LRBA: variants seen among roughly 807,000 people sequenced by gnomAD.
The protein encoded by LRBA is lipopolysaccharide-responsive and beige-like anchor protein.
In LRBA, 176 loss-of-function variants were observed where a neutral mutation model predicts 330.0. The observed-to-expected ratio is 0.53, with a 90% CI of 0.47 to 0.60. The LOEUF is 0.60. Ranked by LOEUF, LRBA falls within the 20% of genes least tolerant of loss-of-function variation. LRBA has a pLI of 0.00. For synonymous variants in LRBA, 1,230 were observed against 1,193.0 expected, an observed-to-expected ratio of 1.03 and a Z score of -0.64; for missense variants, 3,259 against 3,444.8, an observed-to-expected ratio of 0.95 and a Z score of 1.35.
chr4:150,756,195 C>T (rs1734274880), intron 35 of LRBA, among the ~76,000 whole-genome samples: 1 of 151,986 alleles, frequency 6.6e-6, no homozygotes, highest in South Asian at 2.1e-4. Context: ...AGGAGACCAC[C>T]AACAAATCAT....
chr4:150,436,604 C>A, intron 45 of LRBA, 120 bp downstream of exon 45: 1 of 725,622 alleles, frequency 1.4e-6, no homozygotes, highest in Non-Finnish European at 2.1e-6. Flanking sequence ...ATTAGAACTT[C>A]AATAATTTAA....
intron 42 of LRBA, among the ~76,000 whole-genome samples, chr4:150,476,539 A>G (rs1296028921): frequency 6.6e-6 from 1 of 151,804 alleles, no homozygotes; most frequent in Non-Finnish European, 1.5e-5. Flanking sequence ...CACCACCACC[A>G]CTCTAGCCAC....
At chr4:150,548,249 A>G (rs1405240996) in intron 40 of LRBA, among the ~76,000 whole-genome samples, 1 of 152,172 alleles carries the variant, frequency 6.6e-6, no homozygotes, top group Non-Finnish European at 1.5e-5. Context: ...CTTCATAAAC[A>G]TCCCCAAACC....
rs189049391 is a variant in LRBA, at chr4:150,356,353, A to G, written c.7195-6194T>C. Among the ~76,000 whole-genome samples the G allele has an allele frequency of 2.0e-3, 311 of 152,186 alleles. 1 individual carries two copies. Among genetic ancestry groups the G allele is most frequent in the Non-Finnish European group, 3.2e-3 (216 of 67,922 alleles). On this transcript the variant is annotated intron_variant, in intron 47 of 56. Transcript: ENST00000651943. ...GACTGACAAATTGTTTGTGTGCACC[A>G]TTAGGTCTAGTTTCTGCAATAGTTG...
intron 34 of LRBA, among the ~76,000 whole-genome samples, chr4:150,763,994 A>G (rs1172079040): frequency 2.0e-5 from 3 of 151,998 alleles, no homozygotes; most frequent in African/African-American, 7.2e-5. Flanking sequence ...ACCTAACATA[A>G]CATTCTTGGA....
chr4:150,788,186 C>T (rs1739346911), intron 34 of LRBA, among the ~76,000 whole-genome samples: 2 of 151,562 alleles, frequency 1.3e-5, no homozygotes, highest in African/African-American at 4.9e-5. Flanking sequence ...AATTCTCATG[C>T]CCCAGCCTCC....
At chr4:150,752,927 T>C (rs550009072) in intron 35 of LRBA, among the ~76,000 whole-genome samples, 4 of 152,156 alleles carry the variant, frequency 2.6e-5, no homozygotes, top group African/African-American at 4.8e-5. Context: ...GATAGTTACA[T>C]GTAGAAAAGC....
chr4:151,011,892 C>T (rs1449494074), intron 2 of LRBA, among the ~76,000 whole-genome samples: 1 of 151,804 alleles, frequency 6.6e-6, no homozygotes, highest in Non-Finnish European at 1.5e-5. Context: ...CTATAGTGCC[C>T]AGGCTGGTCT....
At chr4:150,564,215 G>C (rs1014972077) in intron 40 of LRBA, among the ~76,000 whole-genome samples, 1 of 151,984 alleles carries the variant, frequency 6.6e-6, no homozygotes, top group South Asian at 2.1e-4. Context: ...CAGAACAGAG[G>C]CCTCAGAAAT....
In LRBA at chr4:150,946,955, A is replaced by G. The variant is rs564860867; in HGVS notation, c.217-17890T>C. Among the ~76,000 whole-genome samples, 3 of 151,960 alleles carry G rather than the reference A, an allele frequency of 2.0e-5. No individual in the cohort carries two copies. The East Asian group carries it at 5.8e-4, about 29-fold the overall frequency. On this transcript the variant is annotated intron_variant, in intron 2 of 56. Transcript: ENST00000651943. ...AATAGGGAATACTGCAAACAACTCT[A>G]AACATATAATGTGACAACTTAGAGG... is the stretch of plus-strand genomic sequence containing the variant.
intron 28 of LRBA, among the ~76,000 whole-genome samples, chr4:150,832,864 T>C (rs1371711550): frequency 3.3e-5 from 5 of 152,090 alleles, no homozygotes; most frequent in Non-Finnish European, 7.4e-5. Flanking sequence ...TGAACTCCCA[T>C]GCTCAAGAGA....
At chr4:150,799,169 CCCTTCG>C (rs1374669722) in intron 33 of LRBA, among the ~76,000 whole-genome samples, 1 of 152,148 alleles carries the variant, frequency 6.6e-6, no homozygotes, top group African/African-American at 2.4e-5. Flanking sequence ...GCTGTTCACC[CCCTTCG>C]TTTTTTAAAA....
intron 40 of LRBA, among the ~76,000 whole-genome samples, chr4:150,512,608 C>A (rs1033749766): frequency 6.6e-6 from 1 of 151,534 alleles, no homozygotes; most frequent in Non-Finnish European, 1.5e-5. Flanking sequence ...GCATCCTAAT[C>A]TCAGACTTTC....
At chr4:150,563,548 A>G (rs974768986) in intron 40 of LRBA, among the ~76,000 whole-genome samples, 2 of 152,206 alleles carry the variant, frequency 1.3e-5, no homozygotes, top group East Asian at 1.9e-4. Context: ...ATCAGGCAAG[A>G]GAAAGAAATA....
At chr4:150,720,753 G>C (rs1025573549) in intron 36 of LRBA, among the ~76,000 whole-genome samples, 1 of 152,126 alleles carries the variant, frequency 6.6e-6, no homozygotes, top group South Asian at 2.1e-4. Context: ...CTATGTCCCA[G>C]GATAATTTGA....
intron 48 of LRBA, among the ~76,000 whole-genome samples, chr4:150,329,162 T>C (rs1298973326): frequency 1.3e-5 from 2 of 152,168 alleles, no homozygotes; most frequent in African/African-American, 4.8e-5. Context: ...TAATAATCAA[T>C]TTTCTTTCCA....
intron 42 of LRBA, among the ~76,000 whole-genome samples, chr4:150,487,122 T>A (rs948880620): frequency 6.6e-5 from 10 of 151,772 alleles, no homozygotes; most frequent in Non-Finnish European, 1.3e-4. Flanking sequence ...CTCTTTGACA[T>A]ACTGTTTTCA....
chr4:150,910,335 C>T (rs949437825), intron 9 of LRBA, among the ~76,000 whole-genome samples: 1 of 152,062 alleles, frequency 6.6e-6, no homozygotes, highest in Non-Finnish European at 1.5e-5. Flanking sequence ...TTTTTATATA[C>T]AATGTACAAT....
intron 40 of LRBA, among the ~76,000 whole-genome samples, chr4:150,509,247 A>T (rs912868486): frequency 6.6e-6 from 1 of 152,120 alleles, no homozygotes; most frequent in Non-Finnish European, 1.5e-5. Flanking sequence ...AATTTAAAAA[A>T]AGCTATCTGG....
Sources: allele counts gnomAD v4.1 joint callset (sites outside exome capture counted in the v4.1 genomes callset), GRCh38; gene constraint gnomAD v4.1.1; transcripts MANE v1.5; gene names NCBI Gene and HGNC (gene_info 2026-07-23, HGNC 2026-07-21).